The following FANCM variants were observed in gnomAD, a reference collection of about 807,000 sequenced individuals.
FANCM encodes the protein Fanconi anemia group M protein.
FANCM carries 140 observed loss-of-function variants against 199.5 expected under a neutral mutation model. That is an observed-to-expected ratio of 0.70 (90% confidence interval 0.61 to 0.81). The LOEUF (loss-of-function observed/expected upper bound fraction) is 0.81, where lower values mean the gene tolerates loss of function less well. Ranked by LOEUF, FANCM falls within the 30% of genes least tolerant of loss-of-function variation. The pLI, the probability that FANCM is intolerant of heterozygous loss-of-function variation, is 0.00. For missense variants in FANCM, 2,410 were observed against 2,421.4 expected, an observed-to-expected ratio of 1.00 and a Z score of 0.10; for synonymous variants, 840 against 836.8, an observed-to-expected ratio of 1.00 and a Z score of -0.07.
At chr14:45,146,199 G>T (rs1323684641) in intron 3 of FANCM, among the ~76,000 whole-genome samples, 1 of 141,112 alleles carries the variant, frequency 7.1e-6, no homozygotes, top group Non-Finnish European at 1.5e-5. Flanking sequence ...CGAGATCATG[G>T]CATGGCACTC....
At chr14:45,172,904 TTTC>T (rs1888431031) in intron 12 of FANCM, 148 bp from the exon 13 acceptor site, 2 of 628,426 alleles carry the variant, frequency 3.2e-6, no homozygotes, top group East Asian at 5.5e-5. Context: ...ATGAAATTAT[TTTC>T]TTTTTTTCTT....
chr14:45,138,624 A>G (rs2139112097), intron 2 of FANCM, among the ~76,000 whole-genome samples: 1 of 152,340 alleles, frequency 6.6e-6, no homozygotes, highest in Non-Finnish European at 1.5e-5. Flanking sequence ...ATGAAATAAT[A>G]AAACACTTAA....
chr14:45,169,855 A>T (rs1888228441), intron 11 of FANCM, among the ~76,000 whole-genome samples: 1 of 152,280 alleles, frequency 6.6e-6, no homozygotes, highest in South Asian at 2.1e-4. Context: ...AAAGTCTATT[A>T]TGTCCTTTTT....
intron 8 of FANCM, 102 bp from the exon 9 acceptor site, chr14:45,158,994 A>T: frequency 1.3e-6 from 1 of 743,420 alleles, no homozygotes; most frequent in Non-Finnish European, 2.2e-6. Flanking sequence ...TGAAAGAATT[A>T]TCATTCGTTA....
At chr14:45,180,710 C>G (rs1889012434) in intron 14 of FANCM, 1 of 152,514 alleles carries the variant, frequency 6.6e-6, no homozygotes, top group African/African-American at 2.4e-5. Flanking sequence ...GCTGGAATTA[C>G]AAGCGTGAGC....
At chr14:45,144,015 A>C (rs751939933) in intron 3 of FANCM, among the ~76,000 whole-genome samples, 1 of 151,538 alleles carries the variant, frequency 6.6e-6, no homozygotes, top group African/African-American at 2.4e-5. Context: ...TATTGGATAC[A>C]TTCTGTGGCA....
intron 16 of FANCM, among the ~76,000 whole-genome samples, chr14:45,182,559 C>A (rs768962564): frequency 6.6e-6 from 1 of 152,120 alleles, no homozygotes. Flanking sequence ...AAAGTCACAG[C>A]GTCTGGCAGG....
In FANCM at chr14:45,187,475, CT is replaced by C. The variant is rs1228718009; in HGVS notation, c.4673-303del. On this transcript the variant is annotated intron_variant, in intron 18 of 22. Coordinates refer to ENST00000267430, the MANE Select transcript of FANCM (RefSeq NM_020937.4). ...TATAAATCTGGTACAGTTTTAAGGT[CT>C]TTGTATACCTTTGTTTTGAAAGAAA... Among the ~76,000 whole-genome samples, 3 of 151,932 alleles carry C rather than the reference CT, an allele frequency of 2.0e-5. 1 individual carries two copies. In the East Asian group the frequency reaches 5.8e-4, roughly 29 times the overall value.
rs762245674 is a variant in FANCM, at chr14:45,176,404, A to G, written c.3650A>G (p.His1217Arg). Reference sequence around the variant, plus strand: ...GTACAGGAAGAAAAAGTGAAGAATCATGAGGATATTTTTGATTGCTCTAGG... The same window carrying G: ...GTACAGGAAGAAAAAGTGAAGAATCGTGAGGATATTTTTGATTGCTCTAGG... ...RGVQEEKVKN[H>R]EDIFDCSRDL... is the part of the protein sequence containing the mutation. The change falls in exon 14 of 23, where the codon CAT becomes CGT. Residue 1217 changes from histidine (H) to arginine (R), a missense_variant. His to Arg is a conservative substitution (Grantham distance 29, BLOSUM62 0). Transcript: ENST00000267430. The G allele has an allele frequency of 6.2e-7, 1 of 1,613,088 alleles. No homozygotes were observed. The highest frequency in any genetic ancestry group is 1.7e-5 in the Admixed American group (1 of 60,028).
chr14:45,136,314 C>CAGCT lies in FANCM; in HGVS notation c.284_287dup (p.His97AlafsTer89). 1.2e-6 allele frequency: 2 copies of CAGCT among 1,614,172 alleles called. No homozygotes were observed. The highest frequency in any genetic ancestry group is 2.2e-5 in the South Asian group (2 of 91,090). On this transcript the variant is annotated frameshift_variant, in exon 1 of 23. Coordinates refer to ENST00000267430, the MANE Select transcript of FANCM (RefSeq NM_020937.4). LOFTEE classifies it high-confidence loss of function. The stretch of plus-strand genomic sequence containing the variant: ...TACCAATTGCCCAGTGCGGGACTAC[C>CAGCT]AGCTGCACATTTCCCGGGCTGCTCT...
intron 2 of FANCM, chr14:45,137,668 A>G (rs1396576800): frequency 5.1e-6 from 1 of 195,212 alleles, no homozygotes; most frequent in Non-Finnish European, 1.1e-5. Context: ...AGTGCCTTCC[A>G]GTTGAGTACT....
Position 45,176,005 on chromosome 14 carries a change from A to G in FANCM, c.3251A>G (p.Asp1084Gly), listed in dbSNP as rs765410961. Residue 1084 changes from aspartate (D) to glycine (G), a missense_variant, in exon 14 of 23, where the codon GAT becomes GGT. Transcript: ENST00000267430. ...ISDEPSLCDC[D>G]VHKHNQNENL... ...GATGAGCCAAGTCTCTGTGACTGTG[A>G]TGTACATAAACATAATCAAAATGAA... 1.2e-6 allele frequency: 2 copies of G among 1,613,724 alleles called. No homozygotes were observed. The highest frequency in any genetic ancestry group is 2.2e-5 in the South Asian group (2 of 91,078).
intron 13 of FANCM, among the ~76,000 whole-genome samples, chr14:45,173,458 C>G: frequency 6.6e-6 from 1 of 152,114 alleles, no homozygotes. Context: ...TTTATGTAAA[C>G]TGTTTGTAAA....
In FANCM at chr14:45,135,997, A is replaced by C. The variant is rs1250855038; in HGVS notation, c.-35A>C. ...AGCGGTTGAGCTGCTGCTGCTACGG[A>C]TATCTGACAGAAGCCTTCGGTGGTT... On this transcript the variant is annotated 5_prime_UTR_variant, in exon 1 of 23. Coordinates refer to ENST00000267430, the MANE Select transcript of FANCM (RefSeq NM_020937.4). The C allele has an allele frequency of 6.2e-7, 1 of 1,611,566 alleles. No homozygotes were observed. Among genetic ancestry groups the C allele is most frequent in the South Asian group, 1.1e-5 (1 of 91,030 alleles).
chr14:45,191,227 G>A (rs2139304334), intron 20 of FANCM, among the ~76,000 whole-genome samples: 1 of 152,254 alleles, frequency 6.6e-6, no homozygotes, highest in East Asian at 1.9e-4. Flanking sequence ...TTGTATGAAT[G>A]TGTCTTAGGG....
chr14:45,148,092 G>T (rs988028023), intron 3 of FANCM, among the ~76,000 whole-genome samples: 1 of 152,062 alleles, frequency 6.6e-6, no homozygotes, highest in Non-Finnish European at 1.5e-5. Flanking sequence ...AGCTACTGGG[G>T]AGGCTGAGGC....
chr14:45,187,126 G>A (rs185550605), intron 18 of FANCM, among the ~76,000 whole-genome samples: 160 of 152,202 alleles, frequency 1.1e-3, no homozygotes, highest in Non-Finnish European at 1.6e-3. Flanking sequence ...GAAGGCTGCA[G>A]ATGAAGCAAT....
chr14:45,158,933 A>G (rs1419027626), intron 8 of FANCM, among the ~76,000 whole-genome samples, 163 bp from the exon 9 acceptor site: 1 of 152,140 alleles, frequency 6.6e-6, no homozygotes, highest in Non-Finnish European at 1.5e-5. Flanking sequence ...CAGCCTCCCA[A>G]GTAGCTGGGA....
At chr14:45,168,092 G>A (rs1888104297) in intron 11 of FANCM, among the ~76,000 whole-genome samples, 7 of 151,972 alleles carry the variant, frequency 4.6e-5, no homozygotes, top group Admixed American at 4.6e-4. Context: ...CTATATATTT[G>A]AAGGCCATAC....
Sources: gnomAD v4.1 joint callset for allele counts (sites outside exome capture counted in the v4.1 genomes callset) on GRCh38, gnomAD v4.1.1 for gene constraint, MANE v1.5 for transcripts, NCBI Gene and HGNC (gene_info 2026-07-23, HGNC 2026-07-21) for gene names.